Variants in ARHGAP32 observed in about 807,000 individuals in gnomAD.
ARHGAP32 encodes the protein Rho GTPase activating protein 32.
In ARHGAP32, 51 loss-of-function variants were observed where a neutral mutation model predicts 186.5. The ratio of observed to expected loss-of-function variants is 0.27; its 90% CI spans 0.22 to 0.35. ARHGAP32 has a LOEUF of 0.35. Among genes scored for constraint, ARHGAP32 ranks in the 10% least tolerant of loss-of-function variants. ARHGAP32 has a pLI of 1.00. For synonymous variants in ARHGAP32, 950 were observed against 964.3 expected, an observed-to-expected ratio of 0.99 and a Z score of 0.27; for missense variants, 2,186 against 2,623.5, an observed-to-expected ratio of 0.83 and a Z score of 3.64.
rs571432246 is a variant in ARHGAP32 at position 129,250,577 on chromosome 11, A to T, written c.-5+28569T>A. Among the ~76,000 whole-genome samples the T allele has an allele frequency of 1.2e-4, 18 of 152,332 alleles. No homozygotes were observed. The South Asian group carries it at 3.3e-3, about 28-fold the overall frequency. On this transcript the variant is annotated intron_variant, in intron 1 of 6. Coordinates refer to the ARHGAP32 transcript ENST00000525234. ...TACTTTGAAAACCATGCTATTGCTGACTAACAACTGGTTCCTACAGAACAC... is the reference window on the plus strand; with the variant it reads ...TACTTTGAAAACCATGCTATTGCTGTCTAACAACTGGTTCCTACAGAACAC...
intron 6 of ARHGAP32, among the ~76,000 whole-genome samples, chr11:129,067,115 C>T (rs1940719361): frequency 6.6e-6 from 1 of 151,922 alleles, no homozygotes; most frequent in East Asian, 1.9e-4. Context: ...GGTCAAAATC[C>T]ACTGCCTCAC....
At chr11:128,971,929 C>T (rs767917690) in intron 22 of ARHGAP32, 3 of 152,222 alleles carry the variant, frequency 2.0e-5, no homozygotes, top group Non-Finnish European at 4.4e-5. Context: ...CTGGTGAATG[C>T]TAGGAAAGTA....
rs574686853 is a variant in ARHGAP32 at position 129,076,169 on chromosome 11, T to C, written c.532-9301A>G. Among the ~76,000 whole-genome samples the C allele has an allele frequency of 2.6e-5, 4 of 152,320 alleles. No individual in the cohort carries two copies. In the South Asian group the frequency reaches 6.2e-4, roughly 24 times the overall value. ...GAAGTTACCCTATATGATCTAACAA[T>C]GAGACAAACCCTCAGTTCTGGGAAC... On this transcript the variant is annotated intron_variant, in intron 6 of 22. Coordinates refer to ENST00000682385, the MANE Select transcript of ARHGAP32 (RefSeq NM_001378024.1).
intron 11 of ARHGAP32, among the ~76,000 whole-genome samples, chr11:129,019,394 G>T (rs1008157398): frequency 5.3e-5 from 8 of 152,088 alleles, no homozygotes; most frequent in Admixed American, 1.3e-4. Flanking sequence ...TAATCTGTTT[G>T]TATTAACATC....
chr11:129,132,867 AC>A (rs1942844328), intron 2 of ARHGAP32, among the ~76,000 whole-genome samples: 1 of 152,234 alleles, frequency 6.6e-6, no homozygotes. Flanking sequence ...AAATTCTCTT[AC>A]AAAAAGAAAA....
At chr11:129,217,731 ACTC>A (rs1565471523) in intron 1 of ARHGAP32, among the ~76,000 whole-genome samples, 2 of 152,136 alleles carry the variant, frequency 1.3e-5, no homozygotes, top group African/African-American at 2.4e-5. Flanking sequence ...GTTTTGAAAT[ACTC>A]CTCAAGGATT....
At chr11:129,047,520 A>G (rs542087215) in intron 10 of ARHGAP32, among the ~76,000 whole-genome samples, 1 of 152,158 alleles carries the variant, frequency 6.6e-6, no homozygotes, top group South Asian at 2.1e-4. Context: ...AGTACCCTTT[A>G]ATTTCCTTGC....
chr11:129,123,973 T>G lies in ARHGAP32; in HGVS notation c.318-44A>C. 7.9e-7 allele frequency: 1 copy of G among 1,264,508 alleles called. No homozygotes were observed. The allele number at this position is 1,264,508 out of a possible 1,614,324, so 78.3% of individuals were successfully genotyped here. On this transcript the variant is annotated intron_variant, in intron 3 of 22. Coordinates refer to ENST00000682385, the MANE Select transcript of ARHGAP32 (RefSeq NM_001378024.1). The surrounding 1 kb of genome is among the most constrained non-coding windows in gnomAD (Gnocchi z 4.6). Reference sequence around the variant, plus strand: ...TTTTTATCCTTGTCTTTCCTCTACTTACACATGAAGCATAACTATCTAACT... The same window carrying G: ...TTTTTATCCTTGTCTTTCCTCTACTGACACATGAAGCATAACTATCTAACT...
intron 1 of ARHGAP32, among the ~76,000 whole-genome samples, chr11:129,207,249 T>C (rs1469727447): frequency 6.6e-6 from 1 of 152,216 alleles, no homozygotes; most frequent in Non-Finnish European, 1.5e-5. Flanking sequence ...TTTGGGTATA[T>C]ACCCAATAAT....
At chr11:128,980,857 T>C in intron 17 of ARHGAP32, 109 bp from the exon 18 acceptor site, 3 of 853,626 alleles carry the variant, frequency 3.5e-6, no homozygotes, top group South Asian at 2.1e-5. Flanking sequence ...CAAATTTTCT[T>C]CAAGTATGTT....
At chr11:129,230,807 A>G (rs1264222915) in intron 1 of ARHGAP32, among the ~76,000 whole-genome samples, 1 of 152,180 alleles carries the variant, frequency 6.6e-6, no homozygotes, top group Non-Finnish European at 1.5e-5. Flanking sequence ...CATAAAAAAG[A>G]GCCCAAAATT....
Position 129,165,848 on chromosome 11 carries a change from TG to T in ARHGAP32, c.117-1422del, listed in dbSNP as rs555954878. On this transcript the variant is annotated intron_variant, in intron 1 of 22. Transcript: ENST00000682385. Reference sequence around the variant, plus strand: ...GGGCAACCAACTAGTTTAAACACTATGGAAACACAAGCCTCTCTGAGATTAG... The same window carrying T: ...GGGCAACCAACTAGTTTAAACACTATGAAACACAAGCCTCTCTGAGATTAG... Among the ~76,000 whole-genome samples, 37 of 152,018 alleles carry T rather than the reference TG, an allele frequency of 2.4e-4. 1 individual carries two copies. In the East Asian group the frequency reaches 7.2e-3, roughly 29 times the overall value.
Position 129,249,488 on chromosome 11 carries a change from C to T in ARHGAP32, c.-5+29658G>A, listed in dbSNP as rs547680682. Among the ~76,000 whole-genome samples the T allele has an allele frequency of 7.9e-5, 12 of 152,192 alleles. No individual in the cohort carries two copies. In the South Asian group the frequency reaches 2.5e-3, roughly 32 times the overall value. On this transcript the variant is annotated intron_variant, in intron 1 of 6. Coordinates refer to the ARHGAP32 transcript ENST00000525234. ...ATACTTATAAAGACAGATGCTAATG[C>T]CAGGTCTCAACTGCAGACTACAATC...
intron 11 of ARHGAP32, among the ~76,000 whole-genome samples, chr11:129,005,881 T>C (rs1591524813): frequency 6.6e-6 from 1 of 152,176 alleles, no homozygotes; most frequent in African/African-American, 2.4e-5. Context: ...GTAACTTAGA[T>C]ATGCCCAATT....
intron 5 of ARHGAP32, among the ~76,000 whole-genome samples, chr11:129,106,668 T>C (rs1375949568): frequency 1.3e-5 from 2 of 152,154 alleles, no homozygotes; most frequent in Non-Finnish European, 2.9e-5. Context: ...ATGTACTCCC[T>C]GAATCTAATA....
chr11:128,986,778 T>C, intron 13 of ARHGAP32, 110 bp from the exon 14 acceptor site: 2 of 983,640 alleles, frequency 2.0e-6, no homozygotes, highest in Non-Finnish European at 1.5e-6. Flanking sequence ...TCTCAGTGAG[T>C]TGCTATTATC....
chr11:129,169,886 T>C (rs564204064), intron 1 of ARHGAP32, among the ~76,000 whole-genome samples: 2 of 152,136 alleles, frequency 1.3e-5, no homozygotes, highest in Admixed American at 6.5e-5. Flanking sequence ...TGTATAAACA[T>C]TCTTCCAAAG....
intron 1 of ARHGAP32, among the ~76,000 whole-genome samples, chr11:129,166,856 C>T (rs148082659): frequency 3.4e-4 from 52 of 152,024 alleles, no homozygotes; most frequent in Non-Finnish European, 5.2e-4. Context: ...ATAAAAATAA[C>T]GTCTTATGAA....
intron 11 of ARHGAP32, among the ~76,000 whole-genome samples, chr11:129,022,249 A>G (rs927620981): frequency 1.3e-5 from 2 of 152,130 alleles, no homozygotes; most frequent in African/African-American, 4.8e-5. Context: ...CTTTTGAGAT[A>G]AATTTTTGTC....
Sources: allele counts gnomAD v4.1 joint callset (sites outside exome capture counted in the v4.1 genomes callset), GRCh38; gene constraint gnomAD v4.1.1; non-coding constraint Gnocchi (gnomAD v3.1); transcripts MANE v1.5; gene names NCBI Gene and HGNC (gene_info 2026-07-23, HGNC 2026-07-21).